SLIT2: variants seen among roughly 807,000 people sequenced by gnomAD.
SLIT2 encodes slit homolog 2 protein.
SLIT2 carries 41 observed loss-of-function variants against 185.7 expected under a neutral mutation model. The ratio of observed to expected loss-of-function variants is 0.22; its 90% CI spans 0.17 to 0.29. The LOEUF is 0.29. Among genes scored for constraint, SLIT2 ranks in the 10% least tolerant of loss-of-function variants. The pLI is 1.00. For synonymous variants in SLIT2, 693 were observed against 680.2 expected (o/e 1.02, Z -0.29); for missense variants, 1,571 against 1,909.0 (o/e 0.82, Z 3.30).
At chr4:20,377,922 A>G (rs1724169404) in intron 4 of SLIT2, among the ~76,000 whole-genome samples, 1 of 152,196 alleles carries the variant, frequency 6.6e-6, no homozygotes, top group African/African-American at 2.4e-5. Context: ...AAGAATAAGG[A>G]AAAACTATAT....
At chr4:20,376,362 A>G (rs537759201) in intron 4 of SLIT2, among the ~76,000 whole-genome samples, 1 of 152,030 alleles carries the variant, frequency 6.6e-6, no homozygotes, top group Non-Finnish European at 1.5e-5. Context: ...AGTGACCCAT[A>G]GATGACCCTG....
intron 3 of SLIT2, among the ~76,000 whole-genome samples, chr4:20,259,278 A>G (rs562733635): frequency 1.3e-5 from 2 of 151,884 alleles, no homozygotes; most frequent in South Asian, 4.1e-4. Context: ...TTGATAGACT[A>G]TGTGATTAGC....
chr4:20,335,322 C>T (rs1720402671), intron 4 of SLIT2, among the ~76,000 whole-genome samples: 1 of 152,128 alleles, frequency 6.6e-6, no homozygotes, highest in Non-Finnish European at 1.5e-5. Flanking sequence ...TGTGCATAGT[C>T]AGTGTCAGTA....
chr4:20,528,047 G>T lies in SLIT2; in HGVS notation c.1463-902G>T, dbSNP rs3775815. Among the ~76,000 whole-genome samples the T allele has an allele frequency of 0.15, 22,553 of 151,926 alleles. 1,805 individuals carry two copies. Among genetic ancestry groups the T allele is most frequent in the East Asian group, 0.27 (1,405 of 5,152 alleles). ...CTGGATGTTGTTCCCGAAAGCTGTT[G>T]TTTCCATTCTGCAGTTCTGAGGAAT... On this transcript the variant is annotated intron_variant, in intron 15 of 36. Transcript: ENST00000504154. This position sits in a 1 kb window ranked among gnomAD's most constrained non-coding sequence, Gnocchi z 4.2.
chr4:20,438,361 G>A (rs137865268), intron 4 of SLIT2, among the ~76,000 whole-genome samples: 1,606 of 152,264 alleles, frequency 0.011, 32 homozygotes, highest in African/African-American at 0.036. Context: ...CAGAAGGCAA[G>A]GAGGAGTAAG....
chr4:20,366,781 G>A (rs547298574), intron 4 of SLIT2, among the ~76,000 whole-genome samples: 2 of 151,878 alleles, frequency 1.3e-5, no homozygotes, highest in African/African-American at 4.8e-5. Context: ...AATATTTTAG[G>A]GTTTTTTTAG....
At chr4:20,354,902 T>TGAGAGA (rs766444200) in intron 4 of SLIT2, among the ~76,000 whole-genome samples, 107 of 106,480 alleles carry the variant, frequency 1.0e-3, no homozygotes, top group Middle Eastern at 5.0e-3. Context: ...TGTGTGTGTG[T>TGAGAGA]GTGTGAGAGA....
intron 4 of SLIT2, among the ~76,000 whole-genome samples, chr4:20,319,131 AT>A (rs1346124943): frequency 6.6e-6 from 1 of 152,142 alleles, no homozygotes; most frequent in Non-Finnish European, 1.5e-5. Context: ...TGTTGTTATT[AT>A]TTTACATTTA....
chr4:20,355,601 T>G (rs919990993), intron 4 of SLIT2, among the ~76,000 whole-genome samples: 2 of 152,178 alleles, frequency 1.3e-5, no homozygotes, highest in African/African-American at 4.8e-5. Flanking sequence ...CAGGTGGTCA[T>G]TGTATGAAGC....
chr4:20,569,275 C>T (rs1298169414), intron 29 of SLIT2: 1 of 384,296 alleles, frequency 2.6e-6, no homozygotes. Context: ...GCTTTTAGTC[C>T]CACAATTAAA....
chr4:20,261,343 G>A (rs1712450083), intron 3 of SLIT2, among the ~76,000 whole-genome samples: 1 of 151,908 alleles, frequency 6.6e-6, no homozygotes, highest in African/African-American at 2.4e-5. Context: ...CACTTAGGAA[G>A]TATATTTCTT....
chr4:20,472,303 G>GATATAT (rs1266183007), intron 5 of SLIT2, among the ~76,000 whole-genome samples: 18,086 of 30,360 alleles, frequency 0.6, 5,778 homozygotes, highest in East Asian at 0.78. Context: ...TAGATATATA[G>GATATAT]ATCTATATAT....
At chr4:20,483,118 C>T (rs1320804966) in intron 6 of SLIT2, among the ~76,000 whole-genome samples, 4 of 152,024 alleles carry the variant, frequency 2.6e-5, no homozygotes, top group South Asian at 2.1e-4. Context: ...TTAACTTACA[C>T]ATTGCCTTAA....
Position 20,253,636 on chromosome 4 carries a change from G to GTCGCCGTATCATTAAAAAA in SLIT2, c.-180_-179insTCGCCGTATCATTAAAAAA. 1.5e-6 allele frequency: 1 copy of GTCGCCGTATCATTAAAAAA among 659,382 alleles called. No individual in the cohort carries two copies. The highest frequency in any genetic ancestry group is 2.6e-6 in the Non-Finnish European group (1 of 390,466). 40.8% of individuals were successfully genotyped at this position (659,382 alleles called of 1,614,324 possible). A position where few individuals can be genotyped will look rare whatever the true frequency, so the allele number is the denominator to read the frequency against. Reference sequence around the variant, plus strand: ...CCAGAGGAGGGTGGAGAGGGCGGTGGGAGGCGTGTGCCTGAGTGGGCTCTA... The same window carrying GTCGCCGTATCATTAAAAAA: ...CCAGAGGAGGGTGGAGAGGGCGGTGGTCGCCGTATCATTAAAAAAGAGGCGTGTGCCTGAGTGGGCTCTA... On this transcript the variant is annotated 5_prime_UTR_variant, in exon 1 of 37. Coordinates refer to ENST00000504154, the MANE Select transcript of SLIT2 (RefSeq NM_004787.4).
intron 6 of SLIT2, among the ~76,000 whole-genome samples, chr4:20,485,098 T>C (rs1344632347): frequency 1.3e-5 from 2 of 152,146 alleles, no homozygotes; most frequent in East Asian, 3.9e-4. Context: ...AGTCAACACC[T>C]CAATGTGTAC....
At chr4:20,481,128 T>C (rs1031622191) in intron 6 of SLIT2, among the ~76,000 whole-genome samples, 2 of 152,112 alleles carry the variant, frequency 1.3e-5, no homozygotes, top group Non-Finnish European at 2.9e-5. Flanking sequence ...AGCTGATATC[T>C]TGGAATAATT....
intron 10 of SLIT2, 72 bp from the exon 11 acceptor site, chr4:20,510,994 T>C: frequency 1.1e-6 from 1 of 940,166 alleles, no homozygotes; most frequent in South Asian, 1.3e-5. Flanking sequence ...TTAAAAGCCA[T>C]ACATAGCTTT....
chr4:20,386,614 A>T (rs1458248362), intron 4 of SLIT2, among the ~76,000 whole-genome samples: 1 of 152,220 alleles, frequency 6.6e-6, no homozygotes, highest in Admixed American at 6.5e-5. Context: ...TCTATTATTC[A>T]GTCCTCAACC....
At chr4:20,550,216 G>A (rs892469473) in intron 24 of SLIT2, among the ~76,000 whole-genome samples, 2 of 151,980 alleles carry the variant, frequency 1.3e-5, no homozygotes, top group Non-Finnish European at 2.9e-5. Context: ...AATTAGTAGA[G>A]CATTTGAATA....
Sources: gnomAD v4.1 joint callset for allele counts (sites outside exome capture counted in the v4.1 genomes callset) on GRCh38, gnomAD v4.1.1 for gene constraint, Gnocchi (gnomAD v3.1) non-coding constraint, MANE v1.5 for transcripts, NCBI Gene and HGNC (gene_info 2026-07-23, HGNC 2026-07-21) for gene names.